The following ACER3 variants were observed in gnomAD, a reference collection of about 807,000 sequenced individuals.
The protein encoded by ACER3 is alkCDase 3.
A neutral mutation model predicts 48.9 loss-of-function variants in ACER3; 16 were observed. The observed-to-expected ratio is 0.33, with a 90% confidence interval of 0.22 to 0.50. ACER3 has a LOEUF of 0.50. Among genes scored for constraint, ACER3 ranks in the 20% least tolerant of loss-of-function variants. The pLI, the probability that ACER3 is intolerant of heterozygous loss-of-function variation, is 0.98. For missense variants in ACER3, 227 were observed against 326.0 expected (o/e 0.70, Z 2.34); for synonymous variants, 109 against 107.8 (o/e 1.01, Z -0.07).
intron 5 of ACER3, among the ~76,000 whole-genome samples, chr11:76,989,099 T>C (rs1023438872): frequency 3.3e-5 from 5 of 152,190 alleles, no homozygotes; most frequent in African/African-American, 1.2e-4. Context: ...GGGAATCTGA[T>C]AGCATTACCT....
chr11:77,008,977 T>C (rs1555021555), intron 7 of ACER3, among the ~76,000 whole-genome samples: 1 of 152,152 alleles, frequency 6.6e-6, no homozygotes, highest in African/African-American at 2.4e-5. Flanking sequence ...GGAGAATCAC[T>C]TGATCCCAGG....
intron 1 of ACER3, among the ~76,000 whole-genome samples, chr11:76,875,732 G>GTTTTTTTTTTTTTTTTTT (rs71040037): frequency 4.5e-5 from 3 of 67,078 alleles, no homozygotes; most frequent in East Asian, 5.1e-4. Context: ...AGTTTTTGTT[G>GTTTTTTTTTTTTTTTTTT]TTTTTTTTTT....
chr11:77,008,205 GTT>G (rs1949193544), intron 7 of ACER3, among the ~76,000 whole-genome samples: 1 of 152,144 alleles, frequency 6.6e-6, no homozygotes, highest in South Asian at 2.1e-4. Context: ...ATGCCCAGCA[GTT>G]TTAGTTTTAC....
intron 2 of ACER3, among the ~76,000 whole-genome samples, chr11:76,951,313 T>A (rs561198884): frequency 6.6e-6 from 1 of 152,368 alleles, no homozygotes; most frequent in East Asian, 1.9e-4. Context: ...AGAAGGGTTT[T>A]TTTTACTCTC....
At chr11:76,884,732 C>G (rs1213784310) in intron 1 of ACER3, among the ~76,000 whole-genome samples, 1 of 152,038 alleles carries the variant, frequency 6.6e-6, no homozygotes, top group Non-Finnish European at 1.5e-5. Flanking sequence ...ATGATGTCTT[C>G]CAGGTGAATT....
chr11:76,868,144 AG>A lies in ACER3; in HGVS notation c.103+7066del, dbSNP rs780430080. ...GGTTCCTTCCTACCATCCTCCCTGA[AG>A]AGCAACCTCAAGTTAGTGAGCACAC... On this transcript the variant is annotated intron_variant, in intron 1 of 10. Transcript: ENST00000532485. 106 of 1,289,776 alleles carry A rather than the reference AG, an allele frequency of 8.2e-5. No homozygotes were observed. The South Asian group carries it at 1.2e-3, about 15-fold the overall frequency. The allele number at this position is 1,289,776 out of a possible 1,614,324, so 79.9% of individuals were successfully genotyped here. A position where few individuals can be genotyped will look rare whatever the true frequency, so the allele number is the denominator to read the frequency against.
chr11:76,971,559 G>A (rs1008876012), intron 3 of ACER3, among the ~76,000 whole-genome samples: 18 of 151,896 alleles, frequency 1.2e-4, no homozygotes, highest in Middle Eastern at 3.4e-3. Flanking sequence ...AAAAAAAACC[G>A]ATAATAGATT....
At chr11:76,872,062 C>G (rs930951708) in intron 1 of ACER3, among the ~76,000 whole-genome samples, 51 of 134,344 alleles carry the variant, frequency 3.8e-4, no homozygotes, top group African/African-American at 1.2e-3. Flanking sequence ...ACTTTACCCC[C>G]CAAACCCTGG....
intron 4 of ACER3, among the ~76,000 whole-genome samples, chr11:76,982,711 G>C: frequency 6.6e-6 from 1 of 152,104 alleles, no homozygotes; most frequent in Admixed American, 6.5e-5. Context: ...TTCATGAATA[G>C]TGTTTTTGTG....
Position 77,015,055 on chromosome 11 carries a change from G to C in ACER3, c.537G>C (p.Leu179Phe). 1 of 1,601,718 alleles carries C rather than the reference G, an allele frequency of 6.2e-7. No homozygotes were observed. Among genetic ancestry groups the C allele is most frequent in the Admixed American group, 1.7e-5 (1 of 59,942 alleles). ...PWLRGLGYTS[L>F]GIFLLGFLFW... is the part of the protein sequence containing the mutation. ...TTAGAGGACTGGGTTATACATCATT[G>C]GGTATATTTTTATTGGGATTTTTAT... Residue 179 changes from leucine (L) to phenylalanine (F), a missense_variant, in exon 8 of 11, where the codon TTG (leucine) becomes TTC (phenylalanine). Physicochemically the swap from Leu to Phe is conservative, Grantham distance 22. Transcript: ENST00000532485.
At position 76,914,186 on chromosome 11, in the gene ACER3, A is replaced by G. The variant is rs529074223; in HGVS notation, c.104-12371A>G. 2.6e-5 allele frequency among the ~76,000 whole-genome samples: 4 copies of G among 152,352 alleles called. No individual in the cohort carries two copies. The East Asian group carries it at 7.7e-4, about 29-fold the overall frequency. On this transcript the variant is annotated intron_variant, in intron 1 of 10. Coordinates refer to ENST00000532485, the MANE Select transcript of ACER3 (RefSeq NM_018367.7). The stretch of plus-strand genomic sequence containing the variant: ...ACCAAAAGCATGGCAACAAAAGCCA[A>G]AATTGACAAATGAGATCTAATTAAA...
chr11:77,017,728 C>T (rs1555023613), intron 9 of ACER3, among the ~76,000 whole-genome samples: 1 of 152,112 alleles, frequency 6.6e-6, no homozygotes, highest in Non-Finnish European at 1.5e-5. Context: ...AACAAGCATG[C>T]ATAACTTTTT....
intron 3 of ACER3, among the ~76,000 whole-genome samples, chr11:76,970,107 C>T (rs1948256418): frequency 6.6e-6 from 1 of 151,966 alleles, no homozygotes; most frequent in Non-Finnish European, 1.5e-5. Context: ...GTCTTATGAT[C>T]TCTATTTTAA....
chr11:76,923,956 C>T (rs1946751261), intron 1 of ACER3, among the ~76,000 whole-genome samples: 1 of 152,134 alleles, frequency 6.6e-6, no homozygotes, highest in African/African-American at 2.4e-5. Context: ...TTAGGGGGCC[C>T]TTTATAGATT....
rs75330668 is a variant in ACER3 at position 76,998,238 on chromosome 11, A to C, written c.439-525A>C. ...GCTAGGAAGATGTGAGAACATATAG[A>C]ATAAAGAACACAGGAAAATGGATTA... is the stretch of plus-strand genomic sequence containing the variant. On this transcript the variant is annotated intron_variant, in intron 6 of 10. Transcript: ENST00000532485. 5.6e-3 allele frequency among the ~76,000 whole-genome samples: 848 copies of C among 152,388 alleles called. 13 individuals carry two copies. The highest frequency in any genetic ancestry group is 0.02 in the African/African-American group (814 of 41,592).
chr11:76,957,486 G>A (rs577614776), intron 2 of ACER3: 8 of 450,100 alleles, frequency 1.8e-5, no homozygotes, highest in Admixed American at 7.1e-5. Flanking sequence ...CTCTGTCGCC[G>A]AGGCTGAAGT....
intron 2 of ACER3, among the ~76,000 whole-genome samples, chr11:76,951,716 T>C (rs1565195701): frequency 2.0e-5 from 3 of 152,238 alleles, no homozygotes; most frequent in African/African-American, 7.2e-5. Flanking sequence ...AAGTATTCTC[T>C]ATATGCCTGG....
At chr11:76,988,604 A>G (rs7942346) in intron 5 of ACER3, among the ~76,000 whole-genome samples, 3,214 of 152,190 alleles carry the variant, frequency 0.021, 115 homozygotes, top group African/African-American at 0.074. Flanking sequence ...TGATCTGTTC[A>G]CCTCCCACAA....
At chr11:76,965,332 T>C (rs1948110121) in intron 3 of ACER3, among the ~76,000 whole-genome samples, 2 of 151,466 alleles carry the variant, frequency 1.3e-5, no homozygotes, top group African/African-American at 4.9e-5. Context: ...CTACGTCTGA[T>C]TGTTGTACCT....
Sources: allele counts gnomAD v4.1 joint callset (sites outside exome capture counted in the v4.1 genomes callset), GRCh38; gene constraint gnomAD v4.1.1; transcripts MANE v1.5; gene names NCBI Gene and HGNC (gene_info 2026-07-23, HGNC 2026-07-21).